SFRP5: variants seen among roughly 807,000 people sequenced by gnomAD.
SFRP5 encodes the protein secreted frizzled-related protein 5.
A neutral mutation model predicts 27.0 loss-of-function variants in SFRP5; 22 were observed. That is an observed-to-expected ratio of 0.82 (90% confidence interval 0.58 to 1.17). The LOEUF (loss-of-function observed/expected upper bound fraction) is 1.17, where lower values mean the gene tolerates loss of function less well. Among genes scored for constraint, SFRP5 ranks in the 50% most tolerant of loss-of-function variants. The pLI, the probability that SFRP5 is intolerant of heterozygous loss-of-function variation, is 0.00. For synonymous variants in SFRP5, 171 were observed against 195.0 expected, an observed-to-expected ratio of 0.88 and a Z score of 1.03; for missense variants, 406 against 436.6, an observed-to-expected ratio of 0.93 and a Z score of 0.63.
Position 97,767,754 on chromosome 10 carries a change from C to T in SFRP5, c.714G>A (p.Lys238=). Residue 238 remains lysine (K), a synonymous_variant, in exon 3 of 3, where the codon AAG becomes AAA. Transcript: ENST00000266066. ...KLLKPGPLKR[K]DTKRLVLHMK... ...TGTGCAGCACCAGCCGCTTGGTGTCCTTGCGCTTCAGGGGGCCCGGCTTGA... is the reference window on the plus strand; with the variant it reads ...TGTGCAGCACCAGCCGCTTGGTGTCTTTGCGCTTCAGGGGGCCCGGCTTGA... 6.2e-7 allele frequency: 1 copy of T among 1,602,708 alleles called. No individual in the cohort carries two copies. Among genetic ancestry groups the T allele is most frequent in the East Asian group, 2.2e-5 (1 of 44,722 alleles).
Position 97,771,885 on chromosome 10 carries a change from C to A in SFRP5, c.-52G>T. The A allele has an allele frequency of 9.9e-7, 1 of 1,006,474 alleles. No individual in the cohort carries two copies. Among genetic ancestry groups the A allele is most frequent in the Non-Finnish European group, 1.2e-6 (1 of 844,066 alleles). 62.3% of individuals were successfully genotyped at this position (1,006,474 alleles called of 1,614,324 possible). A position where few individuals can be genotyped will look rare whatever the true frequency, so the allele number is the denominator to read the frequency against. On this transcript the variant is annotated 5_prime_UTR_variant, in exon 1 of 3. Coordinates refer to ENST00000266066, the MANE Select transcript of SFRP5 (RefSeq NM_003015.3). This position sits in a 1 kb window ranked among gnomAD's most constrained non-coding sequence, Gnocchi z 5.2. Reference sequence around the variant, plus strand: ...GCGCAGCCCCCCGACGCTCGGTGCCCGGCGGCCCAGGTGTTCCGGCGTGCG... The same window carrying A: ...GCGCAGCCCCCCGACGCTCGGTGCCAGGCGGCCCAGGTGTTCCGGCGTGCG...
In SFRP5 at chr10:97,771,902, C is replaced by T. The variant is rs2049520781; in HGVS notation, c.-69G>A. ...TCGGTGCCCGGCGGCCCAGGTGTTCCGGCGTGCGCCCCCGGCCCTGACTCT... is the reference window on the plus strand; with the variant it reads ...TCGGTGCCCGGCGGCCCAGGTGTTCTGGCGTGCGCCCCCGGCCCTGACTCT... On this transcript the variant is annotated 5_prime_UTR_variant, in exon 1 of 3. Transcript: ENST00000266066. The surrounding 1 kb of genome is among the most constrained non-coding windows in gnomAD (Gnocchi z 5.2). The T allele has an allele frequency of 2.0e-6, 2 of 986,580 alleles. No homozygotes were observed. The highest frequency in any genetic ancestry group is 5.9e-5 in the Admixed American group (1 of 16,826). 61.1% of individuals were successfully genotyped at this position (986,580 alleles called of 1,614,324 possible).
chr10:97,767,416 C>G lies in SFRP5; in HGVS notation c.*98G>C, dbSNP rs553785514. On this transcript the variant is annotated 3_prime_UTR_variant, in exon 3 of 3. Coordinates refer to ENST00000266066, the MANE Select transcript of SFRP5 (RefSeq NM_003015.3). ...TAGGCCTTGTGCCAGTAACAACATT[C>G]GTGAAAACACCCTCCAGTAGGGCCG... 1.1e-6 allele frequency: 1 copy of G among 924,118 alleles called. No individual in the cohort carries two copies. Among genetic ancestry groups the G allele is most frequent in the African/African-American group, 1.7e-5 (1 of 60,066 alleles). The allele number at this position is 924,118 out of a possible 1,614,324, so 57.2% of individuals were successfully genotyped here.
In SFRP5 at chr10:97,769,872, T is replaced by C. The variant is rs1230314747; in HGVS notation, c.530-127A>G. ...CCCTTGCCAAGCCTCTACTTCCTTATCAGGAGATGGGATGATGGCAATCAT... is the reference window on the plus strand; with the variant it reads ...CCCTTGCCAAGCCTCTACTTCCTTACCAGGAGATGGGATGATGGCAATCAT... On this transcript the variant is annotated intron_variant, in intron 1 of 2. Coordinates refer to ENST00000266066, the MANE Select transcript of SFRP5 (RefSeq NM_003015.3). 5.9e-6 allele frequency: 4 copies of C among 681,990 alleles called. No individual in the cohort carries two copies. The East Asian group carries it at 1.1e-4, about 19-fold the overall frequency. The allele number at this position is 681,990 out of a possible 1,614,324, so 42.2% of individuals were successfully genotyped here.
intron 1 of SFRP5, 72 bp from the exon 2 acceptor site, chr10:97,769,817 G>T (rs529542600): frequency 2.8e-6 from 3 of 1,054,642 alleles, no homozygotes; most frequent in Admixed American, 3.9e-5. Context: ...GCCACTTGGG[G>T]TGCAGGCTTC....
At position 97,771,759 on chromosome 10, in the gene SFRP5, C is replaced by T. The variant is rs1266021453; in HGVS notation, c.75G>A (p.Ala25=). The change falls in exon 1 of 3, where the codon GCG becomes GCA. Residue 25 remains alanine (A), a synonymous_variant. Transcript: ENST00000266066. The surrounding 1 kb of genome is among the most constrained non-coding windows in gnomAD (Gnocchi z 5.2). ...LALLLGALHW[A]PARCEEYDYY... ...AGTCGTACTCCTCGCAGCGCGCCGG[C>T]GCCCAGTGCAGCGCCCCCAGCAGCA... The T allele has an allele frequency of 1.9e-6, 3 of 1,587,996 alleles. No homozygotes were observed. The Admixed American group carries it at 5.0e-5, about 27-fold the overall frequency.
intron 1 of SFRP5, 66 bp from the exon 2 acceptor site, chr10:97,769,811 C>T: frequency 2.6e-6 from 3 of 1,149,216 alleles, no homozygotes. Flanking sequence ...CCAAGAGCCA[C>T]TTGGGGTGCA....
Position 97,767,739 on chromosome 10 carries a change from C to T in SFRP5, c.729G>A (p.Leu243=). The T allele has an allele frequency of 6.2e-7, 1 of 1,610,310 alleles. No homozygotes were observed. The highest frequency in any genetic ancestry group is 8.5e-7 in the Non-Finnish European group (1 of 1,177,956). ...GPLKRKDTKR[L]VLHMKNGAGC... ...CCGCGCCATTCTTCATGTGCAGCAC[C>T]AGCCGCTTGGTGTCCTTGCGCTTCA... Residue 243 remains leucine, a synonymous_variant, in exon 3 of 3, where the codon CTG becomes CTA. Transcript: ENST00000266066.
Position 97,771,931 on chromosome 10 carries a change from C to T in SFRP5, c.-98G>A. On this transcript the variant is annotated 5_prime_UTR_variant, in exon 1 of 3. Transcript: ENST00000266066. This position sits in a 1 kb window ranked among gnomAD's most constrained non-coding sequence, Gnocchi z 5.2. ...GTGCGCCCCCGGCCCTGACTCTACC[C>T]AGCCGCCGCCGCCGCCGCCGCGGAG... 1.2e-6 allele frequency: 1 copy of T among 866,348 alleles called. No homozygotes were observed. The highest frequency in any genetic ancestry group is 1.4e-6 in the Non-Finnish European group (1 of 725,530). 53.7% of individuals were successfully genotyped at this position (866,348 alleles called of 1,614,324 possible).
At chr10:97,769,268 A>C (rs1246068937) in intron 2 of SFRP5, among the ~76,000 whole-genome samples, 1 of 152,168 alleles carries the variant, frequency 6.6e-6, no homozygotes. Context: ...GGAGGTACCC[A>C]TGGACAAGGG....
chr10:97,769,567 G>A, intron 2 of SFRP5, 101 bp downstream of exon 2: 1 of 782,350 alleles, frequency 1.3e-6, no homozygotes, highest in Non-Finnish European at 2.2e-6. Flanking sequence ...AAACTGTTGG[G>A]ATTCACTGTG....
intron 1 of SFRP5, among the ~76,000 whole-genome samples, chr10:97,770,767 T>A (rs2049510415): frequency 6.6e-6 from 1 of 152,138 alleles, no homozygotes; most frequent in African/African-American, 2.4e-5. Flanking sequence ...GGGTTCCAGG[T>A]ACAGAAAACG....
chr10:97,771,019 G>C lies in SFRP5; in HGVS notation c.529+286C>G, dbSNP rs1347766735. ...GGACGGCATTGGGGGATTCTCAGCA[G>C]CTTGGTTGGATGGGTACTGAGAGGG... On this transcript the variant is annotated intron_variant, in intron 1 of 2. Coordinates refer to ENST00000266066, the MANE Select transcript of SFRP5 (RefSeq NM_003015.3). This position sits in a 1 kb window ranked among gnomAD's most constrained non-coding sequence, Gnocchi z 5.2. Among the ~76,000 whole-genome samples, 2 of 152,112 alleles carry C rather than the reference G, an allele frequency of 1.3e-5. No individual in the cohort carries two copies. The highest frequency in any genetic ancestry group is 6.5e-5 in the Admixed American group (1 of 15,284).
chr10:97,771,188 GT>G lies in SFRP5; in HGVS notation c.529+116del. 6.9e-6 allele frequency: 2 copies of G among 291,122 alleles called. No individual in the cohort carries two copies. The highest frequency in any genetic ancestry group is 1.2e-5 in the Non-Finnish European group (2 of 170,536). 18.0% of individuals were successfully genotyped at this position (291,122 alleles called of 1,614,324 possible). On this transcript the variant is annotated intron_variant, in intron 1 of 2. Transcript: ENST00000266066. The surrounding 1 kb of genome is among the most constrained non-coding windows in gnomAD (Gnocchi z 5.2). ...GGACGCTGGGCTGAGCTAGGACAGC[GT>G]GTGTGTGTGTGTGTGGGCGGAGGGG...
chr10:97,769,591 T>C (rs1418783349), intron 2 of SFRP5, 77 bp downstream of exon 2: 10 of 957,944 alleles, frequency 1.0e-5, no homozygotes, highest in Admixed American at 5.9e-5. Context: ...GATGTGGGCA[T>C]GTATGTTCCC....
In SFRP5 at chr10:97,767,324, C is replaced by G; in HGVS notation, c.*190G>C. 1 of 541,188 alleles carries G rather than the reference C, an allele frequency of 1.8e-6. No homozygotes were observed. The highest frequency in any genetic ancestry group is 3.2e-6 in the Non-Finnish European group (1 of 309,524). The allele number at this position is 541,188 out of a possible 1,614,324, so 33.5% of individuals were successfully genotyped here. ...GAAGCCCTGCTCCTGAGAGAGGAAG[C>G]CCAACATCCCAGGGACCCCAGGACC... is the stretch of plus-strand genomic sequence containing the variant. On this transcript the variant is annotated 3_prime_UTR_variant, in exon 3 of 3. Coordinates refer to ENST00000266066, the MANE Select transcript of SFRP5 (RefSeq NM_003015.3).
intron 2 of SFRP5, 45 bp from the exon 3 acceptor site, chr10:97,767,905 G>A (rs760254341): frequency 7.1e-7 from 1 of 1,405,332 alleles, no homozygotes; most frequent in East Asian, 2.3e-5. Context: ...GGTCAGATCT[G>A]TGTGGGATGC....
chr10:97,768,270 A>G (rs1156671713), intron 2 of SFRP5, among the ~76,000 whole-genome samples: 1 of 151,954 alleles, frequency 6.6e-6, no homozygotes, highest in Non-Finnish European at 1.5e-5. Context: ...GGGAAGCTGG[A>G]CTTCCTGATC....
Position 97,771,187 on chromosome 10 carries a change from C to CGT in SFRP5, c.529+116_529+117dup, listed in dbSNP as rs112460945. Reference sequence around the variant, plus strand: ...GGGACGCTGGGCTGAGCTAGGACAGCGTGTGTGTGTGTGTGTGGGCGGAGG... The same window carrying CGT: ...GGGACGCTGGGCTGAGCTAGGACAGCGTGTGTGTGTGTGTGTGTGGGCGGAGG... On this transcript the variant is annotated intron_variant, in intron 1 of 2. Coordinates refer to ENST00000266066, the MANE Select transcript of SFRP5 (RefSeq NM_003015.3). This position sits in a 1 kb window ranked among gnomAD's most constrained non-coding sequence, Gnocchi z 5.2. 29,461 of 542,140 alleles carry CGT rather than the reference C, an allele frequency of 0.054. 2,011 individuals carry two copies. Among genetic ancestry groups the CGT allele is most frequent in the African/African-American group, 0.32 (14,121 of 44,176 alleles). The allele number at this position is 542,140 out of a possible 1,614,324, so 33.6% of individuals were successfully genotyped here.
Sources: allele counts gnomAD v4.1 joint callset (sites outside exome capture counted in the v4.1 genomes callset), GRCh38; gene constraint gnomAD v4.1.1; non-coding constraint Gnocchi (gnomAD v3.1); transcripts MANE v1.5; gene names NCBI Gene and HGNC (gene_info 2026-07-23, HGNC 2026-07-21).